Variants in ARL8B observed in about 807,000 individuals in gnomAD.
ARL8B encodes ADP-ribosylation factor-like protein 8B.
ARL8B carries 9 observed loss-of-function variants against 30.6 expected under a neutral mutation model. The observed-to-expected ratio is 0.29, with a 90% CI of 0.18 to 0.51. ARL8B has a LOEUF of 0.51. Ranked by LOEUF, ARL8B falls within the 20% of genes least tolerant of loss-of-function variation. The pLI is 0.97. For missense variants in ARL8B, 130 were observed against 227.2 expected (o/e 0.57, Z 2.75); for synonymous variants, 74 against 76.0 (o/e 0.97, Z 0.14).
chr3:5,172,943 A>G (rs2054689623), intron 4 of ARL8B, among the ~76,000 whole-genome samples: 1 of 152,238 alleles, frequency 6.6e-6, no homozygotes, highest in East Asian at 1.9e-4. Flanking sequence ...CTAAACTACT[A>G]TGCAGCAGGA....
chr3:5,138,348 G>C (rs766086095), intron 1 of ARL8B, among the ~76,000 whole-genome samples: 13 of 152,070 alleles, frequency 8.5e-5, no homozygotes, highest in Non-Finnish European at 1.9e-4. Flanking sequence ...ACAAATAACT[G>C]CCAAATGCCT....
At chr3:5,141,600 A>G (rs946823379) in intron 1 of ARL8B, among the ~76,000 whole-genome samples, 2 of 152,238 alleles carry the variant, frequency 1.3e-5, no homozygotes, top group South Asian at 2.1e-4. Flanking sequence ...CATTTAGCCA[A>G]CCCGTAAATG....
At chr3:5,139,247 A>G (rs1401306551) in intron 1 of ARL8B, among the ~76,000 whole-genome samples, 2 of 152,210 alleles carry the variant, frequency 1.3e-5, no homozygotes, top group South Asian at 2.1e-4. Flanking sequence ...AATGTATCCA[A>G]TGACAGGTGC....
chr3:5,127,546 G>C (rs558795120), intron 1 of ARL8B, among the ~76,000 whole-genome samples: 2 of 152,236 alleles, frequency 1.3e-5, no homozygotes, highest in East Asian at 3.9e-4. Flanking sequence ...TGAATTAGGA[G>C]AAGGAATGAT....
Position 5,122,608 on chromosome 3 carries a change from C to T in ARL8B, c.123+20C>T. On this transcript the variant is annotated intron_variant, in intron 1 of 6. Coordinates refer to ENST00000256496, the MANE Select transcript of ARL8B (RefSeq NM_018184.3). ...ATCGCGGTGAGCGCCCGCCCACTCA[C>T]TCGCCCGGGGCTCCGCAGCCAGGAG... The T allele has an allele frequency of 6.3e-7, 1 of 1,588,086 alleles. No homozygotes were observed. Among genetic ancestry groups the T allele is most frequent in the East Asian group, 2.3e-5 (1 of 43,634 alleles).
At chr3:5,134,012 T>C (rs2054305239) in intron 1 of ARL8B, among the ~76,000 whole-genome samples, 1 of 152,190 alleles carries the variant, frequency 6.6e-6, no homozygotes, top group South Asian at 2.1e-4. Context: ...GATGGCTGGT[T>C]GGAAATGACA....
intron 1 of ARL8B, among the ~76,000 whole-genome samples, chr3:5,159,197 G>A (rs780349136): frequency 6.6e-6 from 1 of 151,794 alleles, no homozygotes; most frequent in Non-Finnish European, 1.5e-5. Context: ...TTACTTGGGA[G>A]GCTGAGGAGG....
intron 1 of ARL8B, chr3:5,157,662 C>T (rs1273031286): frequency 6.6e-6 from 1 of 152,172 alleles, no homozygotes; most frequent in Non-Finnish European, 1.5e-5. Context: ...TTGGTTTTGT[C>T]TGGTTGCAAT....
rs904399510 is a variant in ARL8B, at chr3:5,180,660, T to C, written c.*1947T>C. The stretch of plus-strand genomic sequence containing the variant: ...TAACAGTTACTGAACTATGTAAATA[T>C]GTGAATTTTTTTATTTAGGTGGATG... On this transcript the variant is annotated 3_prime_UTR_variant, in exon 7 of 7. Transcript: ENST00000256496. 1 of 152,674 alleles carries C rather than the reference T, an allele frequency of 6.5e-6. No individual in the cohort carries two copies. The highest frequency in any genetic ancestry group is 2.4e-5 in the African/African-American group (1 of 41,462). 9.5% of individuals were successfully genotyped at this position (152,674 alleles called of 1,614,324 possible).
intron 1 of ARL8B, among the ~76,000 whole-genome samples, chr3:5,154,013 C>G (rs1025857828): frequency 1.3e-5 from 2 of 151,636 alleles, no homozygotes; most frequent in African/African-American, 4.8e-5. Context: ...TTGTTATTCT[C>G]TAATGTCATG....
At chr3:5,171,441 T>C (rs550447355) in intron 2 of ARL8B, among the ~76,000 whole-genome samples, 22 of 150,690 alleles carry the variant, frequency 1.5e-4, no homozygotes, top group African/African-American at 4.6e-4. Context: ...AACCTCCGAC[T>C]CCCAGGTTCA....
chr3:5,173,749 A>T (rs1016980971), intron 4 of ARL8B, among the ~76,000 whole-genome samples: 77 of 152,160 alleles, frequency 5.1e-4, no homozygotes, highest in African/African-American at 1.7e-3. Context: ...AAACAAAAAG[A>T]ATAGCAGAAT....
chr3:5,146,364 C>A (rs1323176692), intron 1 of ARL8B, among the ~76,000 whole-genome samples: 1 of 152,200 alleles, frequency 6.6e-6, no homozygotes, highest in Non-Finnish European at 1.5e-5. Context: ...ATCTATACGA[C>A]CCATCAGGCT....
chr3:5,122,674 C>T lies in ARL8B; in HGVS notation c.123+86C>T. ...CTCCAAGGCCTGAGTTGGGGCCCCC[C>T]TCGGCGCGATGGGACTGATGGCGGG... is the stretch of plus-strand genomic sequence containing the variant. On this transcript the variant is annotated intron_variant, in intron 1 of 6. Coordinates refer to ENST00000256496, the MANE Select transcript of ARL8B (RefSeq NM_018184.3). 4.1e-6 allele frequency: 6 copies of T among 1,451,092 alleles called. No homozygotes were observed. In the South Asian group the frequency reaches 5.5e-5, roughly 13 times the overall value. The allele number at this position is 1,451,092 out of a possible 1,614,324, so 89.9% of individuals were successfully genotyped here.
At chr3:5,150,892 G>A (rs2054477353) in intron 1 of ARL8B, among the ~76,000 whole-genome samples, 1 of 152,194 alleles carries the variant, frequency 6.6e-6, no homozygotes, top group Admixed American at 6.5e-5. Flanking sequence ...AATTTCTTCA[G>A]TAGAGAGAGG....
In ARL8B at chr3:5,172,231, G is replaced by GTT; in HGVS notation, c.278+16_278+17dup. The GTT allele has an allele frequency of 1.3e-6, 2 of 1,589,290 alleles. No individual in the cohort carries two copies. The highest frequency in any genetic ancestry group is 1.7e-6 in the Non-Finnish European group (2 of 1,165,782). The stretch of plus-strand genomic sequence containing the variant: ...AGGAGTCAATGCTATTGTGTAAGTG[G>GTT]TTTTTTTTTGTTTGTTTGCTTTTAA... On this transcript the variant is annotated intron_variant, in intron 3 of 6. Transcript: ENST00000256496.
intron 1 of ARL8B, among the ~76,000 whole-genome samples, chr3:5,156,182 C>T (rs372324704): frequency 9.5e-4 from 145 of 152,116 alleles, no homozygotes; most frequent in African/African-American, 3.4e-3. Context: ...GGATTATAGG[C>T]GTCAGCCCCC....
intron 1 of ARL8B, among the ~76,000 whole-genome samples, chr3:5,124,908 T>C (rs577909681): frequency 6.6e-5 from 10 of 152,358 alleles, no homozygotes; most frequent in African/African-American, 1.7e-4. Context: ...AATTAATGTT[T>C]CATGTGGATA....
intron 1 of ARL8B, among the ~76,000 whole-genome samples, chr3:5,163,144 C>T (rs533361041): frequency 7.9e-5 from 12 of 152,024 alleles, no homozygotes; most frequent in Non-Finnish European, 1.5e-4. Flanking sequence ...TGTGCCACCA[C>T]ACCCAGCTAA....
Sources: gnomAD v4.1 joint callset for allele counts (sites outside exome capture counted in the v4.1 genomes callset) on GRCh38, gnomAD v4.1.1 for gene constraint, MANE v1.5 for transcripts, NCBI Gene and HGNC (gene_info 2026-07-23, HGNC 2026-07-21) for gene names.